Variants in ASIC2 observed in about 807,000 individuals in gnomAD.
ASIC2 encodes the protein acid sensing ion channel subunit 2.
ASIC2 carries 25 observed loss-of-function variants against 57.3 expected under a neutral mutation model. That is an observed-to-expected ratio of 0.44 (90% CI 0.32 to 0.61). The LOEUF is 0.61. Among genes scored for constraint, ASIC2 ranks in the 20% least tolerant of loss-of-function variants. The pLI is 0.06. For synonymous variants in ASIC2, 319 were observed against 307.5 expected (o/e 1.04, Z -0.39); for missense variants, 641 against 738.1 (o/e 0.87, Z 1.52).
intron 1 of ASIC2, among the ~76,000 whole-genome samples, chr17:33,926,232 A>C (rs1915819091): frequency 6.6e-6 from 1 of 152,204 alleles, no homozygotes; most frequent in Non-Finnish European, 1.5e-5. Flanking sequence ...TGAGCACTGT[A>C]CTAAGTGCTT....
At chr17:34,031,344 C>T (rs1907603239) in intron 1 of ASIC2, among the ~76,000 whole-genome samples, 1 of 152,096 alleles carries the variant, frequency 6.6e-6, no homozygotes, top group South Asian at 2.1e-4. Context: ...AGGACATCCA[C>T]ACCAAAAACC....
chr17:33,730,174 AG>A (rs1909696206), intron 1 of ASIC2, among the ~76,000 whole-genome samples: 1 of 152,170 alleles, frequency 6.6e-6, no homozygotes, highest in Non-Finnish European at 1.5e-5. Context: ...TAACTAAAAA[AG>A]TGTAAAAAAA....
intron 2 of ASIC2, 138 bp downstream of exon 2, chr17:33,111,779 T>C: frequency 8.0e-7 from 1 of 1,255,616 alleles, no homozygotes; most frequent in South Asian, 1.7e-5. Flanking sequence ...GACATCTTTA[T>C]GATCTAGCAG....
intron 1 of ASIC2, among the ~76,000 whole-genome samples, chr17:33,993,734 T>C (rs1906070595): frequency 9.2e-6 from 1 of 108,900 alleles, no homozygotes. Context: ...AGAACTGAAC[T>C]GTGATAGTTT....
At chr17:33,414,021 A>G (rs1234706679) in intron 1 of ASIC2, among the ~76,000 whole-genome samples, 2 of 152,156 alleles carry the variant, frequency 1.3e-5, no homozygotes, top group African/African-American at 2.4e-5. Flanking sequence ...CTTCACTCCC[A>G]GACATGGGCC....
At chr17:33,291,285 G>C (rs1905426543) in intron 1 of ASIC2, 123 bp downstream of exon 1, 9 of 1,431,782 alleles carry the variant, frequency 6.3e-6, no homozygotes, top group African/African-American at 1.4e-5. Context: ...TTCTGCCTTG[G>C]CATCGTGGAG....
chr17:33,417,852 G>A (rs1910903867), intron 1 of ASIC2, among the ~76,000 whole-genome samples: 1 of 152,204 alleles, frequency 6.6e-6, no homozygotes, highest in Admixed American at 6.5e-5. Context: ...CCCCTTTGCT[G>A]TCTGGCTGCT....
chr17:33,349,248 T>C (rs922975559), intron 1 of ASIC2, among the ~76,000 whole-genome samples: 1 of 152,166 alleles, frequency 6.6e-6, no homozygotes, highest in Non-Finnish European at 1.5e-5. Context: ...TTTAAGAATA[T>C]TGGCAAATAA....
At chr17:33,387,062 GT>G (rs1909710774) in intron 1 of ASIC2, among the ~76,000 whole-genome samples, 1 of 151,956 alleles carries the variant, frequency 6.6e-6, no homozygotes, top group South Asian at 2.1e-4. Context: ...TAATTTTTGT[GT>G]TTTTAGTAGA....
At chr17:33,083,436 C>T (rs7217619) in intron 3 of ASIC2, among the ~76,000 whole-genome samples, 72,564 of 152,064 alleles carry the variant, frequency 0.48, 17,894 homozygotes, top group African/African-American at 0.61. Context: ...GGCCAGGTCT[C>T]GCTTATCTTA....
At chr17:33,170,384 A>G (rs1336453288) in intron 1 of ASIC2, among the ~76,000 whole-genome samples, 1 of 152,200 alleles carries the variant, frequency 6.6e-6, no homozygotes, top group Non-Finnish European at 1.5e-5. Context: ...TGTTTTTAAA[A>G]CAGATCATTA....
intron 1 of ASIC2, among the ~76,000 whole-genome samples, chr17:33,245,767 G>A (rs1295558199): frequency 6.6e-6 from 1 of 152,194 alleles, no homozygotes. Context: ...GAGGTCAAGT[G>A]CCAGGAGCAC....
At chr17:33,588,441 C>G (rs932024967) in intron 1 of ASIC2, among the ~76,000 whole-genome samples, 1 of 152,144 alleles carries the variant, frequency 6.6e-6, no homozygotes, top group Non-Finnish European at 1.5e-5. Context: ...GAGGGATTGG[C>G]CACACACTTT....
rs564462883 is a variant in ASIC2, at chr17:33,791,681, C to T, written c.555+364297G>A. On this transcript the variant is annotated intron_variant, in intron 1 of 9. Transcript: ENST00000359872. ...TTGATTATGCCAATGGCAAAGAAAG[C>T]ATGGTGGCTTTCATGCAAATAATGG... 1.5e-3 allele frequency among the ~76,000 whole-genome samples: 222 copies of T among 152,040 alleles called. 2 individuals carry two copies. The highest frequency in any genetic ancestry group is 5.2e-3 in the African/African-American group (214 of 41,446).
intron 1 of ASIC2, among the ~76,000 whole-genome samples, chr17:33,903,593 G>A (rs1915276519): frequency 6.6e-6 from 1 of 152,178 alleles, no homozygotes; most frequent in African/African-American, 2.4e-5. Flanking sequence ...ATTTAAACAT[G>A]GAGGGTTTTT....
chr17:33,370,832 C>T (rs1303930571), intron 1 of ASIC2, among the ~76,000 whole-genome samples: 1 of 152,214 alleles, frequency 6.6e-6, no homozygotes, highest in Non-Finnish European at 1.5e-5. Context: ...GGAAAGGGGT[C>T]CCGATCCAGA....
chr17:33,770,337 G>A (rs1052185234), intron 1 of ASIC2, among the ~76,000 whole-genome samples: 18 of 152,226 alleles, frequency 1.2e-4, no homozygotes, highest in African/African-American at 4.1e-4. Context: ...TCTGTAAAGC[G>A]AAAGCTGGCC....
chr17:33,452,648 G>A (rs889557060), intron 1 of ASIC2, among the ~76,000 whole-genome samples: 1 of 151,912 alleles, frequency 6.6e-6, no homozygotes, highest in Non-Finnish European at 1.5e-5. Context: ...TGCCATGCAC[G>A]ACCTCTATTC....
intron 1 of ASIC2, among the ~76,000 whole-genome samples, chr17:34,101,427 T>A (rs1343458127): frequency 6.6e-6 from 1 of 152,198 alleles, no homozygotes; most frequent in Non-Finnish European, 1.5e-5. Flanking sequence ...CTTCGTCAAG[T>A]GCTTACCTGA....
Sources: allele counts gnomAD v4.1 joint callset (sites outside exome capture counted in the v4.1 genomes callset), GRCh38; gene constraint gnomAD v4.1.1; transcripts MANE v1.5; gene names NCBI Gene and HGNC (gene_info 2026-07-23, HGNC 2026-07-21).